The following TCF20 variants were observed in gnomAD, a reference collection of about 807,000 sequenced individuals.
TCF20 encodes the protein transcription factor 20.
A neutral mutation model predicts 148.6 loss-of-function variants in TCF20; 3 were observed. The ratio of observed to expected loss-of-function variants is 0.02; its 90% CI spans 0.01 to 0.05. The LOEUF (loss-of-function observed/expected upper bound fraction) is 0.05. Among genes scored for constraint, TCF20 ranks in the 10% least tolerant of loss-of-function variants. The pLI, the probability that TCF20 is intolerant of heterozygous loss-of-function variation, is 1.00. For synonymous variants in TCF20, 1,049 were observed against 909.5 expected (o/e 1.15, Z -2.76); for missense variants, 2,350 against 2,429.3 (o/e 0.97, Z 0.69).
intron 2 of TCF20, among the ~76,000 whole-genome samples, chr22:42,194,920 T>A (rs866715674): frequency 1.3e-5 from 2 of 151,868 alleles, no homozygotes; most frequent in East Asian, 4.0e-4. Flanking sequence ...GACCTCACAG[T>A]ATCCATAGAC....
At chr22:42,231,877 C>G (rs1284897374) in intron 1 of TCF20, among the ~76,000 whole-genome samples, 1 of 141,622 alleles carries the variant, frequency 7.1e-6, no homozygotes, top group Non-Finnish European at 1.5e-5. Flanking sequence ...TGCAGTGAGC[C>G]AAGATCAAGC....
At chr22:42,219,383 C>CAAAAAAAAAAAAAAAAAAAAAA (rs1922140132) in intron 1 of TCF20, among the ~76,000 whole-genome samples, 2 of 62,048 alleles carry the variant, frequency 3.2e-5, no homozygotes, top group Non-Finnish European at 3.2e-5. Context: ...AAAAAAAAAG[C>CAAAAAAAAAAAAAAAAAAAAAA]TAATAGAGAT....
intron 1 of TCF20, among the ~76,000 whole-genome samples, chr22:42,235,403 A>G (rs1409295468): frequency 6.6e-6 from 1 of 152,160 alleles, no homozygotes; most frequent in Non-Finnish European, 1.5e-5. Context: ...TTGGGTATCA[A>G]CTGGTGCACA....
chr22:42,251,389 C>A (rs1036543081), intron 1 of TCF20, among the ~76,000 whole-genome samples: 4 of 151,772 alleles, frequency 2.6e-5, no homozygotes, highest in Non-Finnish European at 5.9e-5. Context: ...TCCACGTTGC[C>A]CAGGCTGATC....
Position 42,161,376 on chromosome 22 carries a change from C to T in TCF20, c.*45-18G>A. ...AGTCTCACCTGGAAGACAAGGGACA[C>T]ACAGTGAAGGCCAGGAGCCTCCACA... On this transcript the variant is annotated intron_variant, in intron 5 of 5. Transcript: ENST00000677622. 6.2e-7 allele frequency: 1 copy of T among 1,614,064 alleles called. No homozygotes were observed. The highest frequency in any genetic ancestry group is 8.5e-7 in the Non-Finnish European group (1 of 1,179,940).
chr22:42,187,062 G>A (rs1316512301), intron 2 of TCF20, among the ~76,000 whole-genome samples: 1 of 152,184 alleles, frequency 6.6e-6, no homozygotes, highest in Non-Finnish European at 1.5e-5. Flanking sequence ...AGAGTCACCT[G>A]CCAGGTGCTC....
intron 2 of TCF20, among the ~76,000 whole-genome samples, chr22:42,188,866 G>T (rs1937186144): frequency 6.6e-6 from 1 of 152,196 alleles, no homozygotes; most frequent in South Asian, 2.1e-4. Context: ...GAATGATCTG[G>T]GGGTAAAGCA....
At chr22:42,271,877 T>A (rs933678278), upstream of TCF20, among the ~76,000 whole-genome samples, 1 of 152,150 alleles carries the variant, frequency 6.6e-6, no homozygotes, top group African/African-American at 2.4e-5. Flanking sequence ...ATATTTGAGG[T>A]ACACAGCTTC....
chr22:42,317,619 G>A lies in TCF20; in HGVS notation c.-37+25860C>T, dbSNP rs917369013. Among the ~76,000 whole-genome samples, 1 of 54,092 alleles carries A rather than the reference G, an allele frequency of 1.8e-5. No homozygotes were observed. The highest frequency in any genetic ancestry group is 2.1e-4 in the Admixed American group (1 of 4,652). 35.5% of individuals were successfully genotyped at this position (54,092 alleles called of 152,430 possible). On this transcript the variant is annotated intron_variant, in intron 1 of 1. Coordinates refer to the TCF20 transcript ENST00000515426. The surrounding 1 kb of genome is among the most constrained non-coding windows in gnomAD (Gnocchi z 4.2). ...GGCCCAAGGCAGCACCCTCAGAGGA[G>A]GGCTCTGCTCCTGCATTCCCGCTGG...
At chr22:42,218,338 C>T (rs1357519455) in intron 1 of TCF20, among the ~76,000 whole-genome samples, 3 of 152,148 alleles carry the variant, frequency 2.0e-5, no homozygotes, top group African/African-American at 7.2e-5. Context: ...TAAATCTGTC[C>T]CTTCACTGCC....
chr22:42,161,972 CTTT>C lies in TCF20; in HGVS notation c.*45-617_*45-615del, dbSNP rs3045573. On this transcript the variant is annotated intron_variant, in intron 5 of 5. Transcript: ENST00000677622. ...GCCACCATGCTTGGCTAATGACAGTCTTTTTTTTTTTTTTTTTTTTTTTTTTTT... is the reference window on the plus strand; with the variant it reads ...GCCACCATGCTTGGCTAATGACAGTCTTTTTTTTTTTTTTTTTTTTTTTTT... Among the ~76,000 whole-genome samples the C allele has an allele frequency of 7.5e-4, 56 of 75,010 alleles. 1 individual carries two copies. The highest frequency in any genetic ancestry group is 3.1e-3 in the African/African-American group (49 of 15,648). 49.2% of individuals were successfully genotyped at this position (75,010 alleles called of 152,430 possible).
chr22:42,212,232 C>A lies in TCF20; in HGVS notation c.3074G>T (p.Gly1025Val), dbSNP rs183460312. 5.5e-5 allele frequency: 89 copies of A among 1,614,188 alleles called. No individual in the cohort carries two copies. In the East Asian group the frequency reaches 2.0e-3, roughly 36 times the overall value. Residue 1025 changes from glycine (G) to valine (V), a missense_variant, in exon 2 of 6, where the codon GGC (glycine) becomes GTC (valine). Gly to Val is a moderately radical substitution (Grantham distance 109). Coordinates refer to ENST00000677622, the MANE Select transcript of TCF20 (RefSeq NM_001378418.1). Reference sequence around the variant, plus strand: ...CATGTGATGAGGGTCTCCCCCTGGGCCTCTGCTCCGCCCAGGAGACATTTT... The same window carrying A: ...CATGTGATGAGGGTCTCCCCCTGGGACTCTGCTCCGCCCAGGAGACATTTT... ...KLKMSPGRSR[G>V]PGGDPHHMNP...
intron 1 of TCF20, among the ~76,000 whole-genome samples, 98 bp downstream of exon 1, chr22:42,270,241 G>A (rs1341324613): frequency 6.6e-6 from 1 of 151,832 alleles, no homozygotes; most frequent in African/African-American, 2.4e-5. Context: ...GTCCGGCCGG[G>A]ACCTCTGCTC....
chr22:42,325,609 T>C (rs1171673652), intron 1 of TCF20, among the ~76,000 whole-genome samples: 1 of 152,136 alleles, frequency 6.6e-6, no homozygotes, highest in Non-Finnish European at 1.5e-5. Flanking sequence ...GGCCTGGGCA[T>C]TGTGCCAGGC....
intron 1 of TCF20, among the ~76,000 whole-genome samples, chr22:42,324,005 C>T (rs200672905): frequency 0.024 from 92 of 3,878 alleles, 10 homozygotes; most frequent in African/African-American, 0.078. Flanking sequence ...GAGGTGGTGG[C>T]GGAGGTTATG....
chr22:42,329,801 G>A (rs936493165), intron 1 of TCF20, among the ~76,000 whole-genome samples: 8 of 151,922 alleles, frequency 5.3e-5, no homozygotes, highest in Non-Finnish European at 8.8e-5. Context: ...TCCCCCCACC[G>A]AGTCCCCTTC....
chr22:42,227,286 T>C lies in TCF20; in HGVS notation c.-36-11945A>G, dbSNP rs552745707. Among the ~76,000 whole-genome samples, 168 of 152,158 alleles carry C rather than the reference T, an allele frequency of 1.1e-3. 1 individual carries two copies. Among genetic ancestry groups the C allele is most frequent in the Non-Finnish European group, 1.4e-3 (95 of 67,986 alleles). On this transcript the variant is annotated intron_variant, in intron 1 of 5. Coordinates refer to ENST00000677622, the MANE Select transcript of TCF20 (RefSeq NM_001378418.1). ...AGCAACAGCCTCTCTCAAAAAAAAA[T>C]AGTAATTTTAAATTACTTCAAATGT...
chr22:42,225,753 T>A (rs1283047587), intron 1 of TCF20, among the ~76,000 whole-genome samples: 1 of 151,672 alleles, frequency 6.6e-6, no homozygotes, highest in African/African-American at 2.4e-5. Flanking sequence ...ACCCCACAAG[T>A]CAGAAGCAGG....
intron 1 of TCF20, among the ~76,000 whole-genome samples, chr22:42,335,466 C>T (rs1282157529): frequency 6.6e-6 from 1 of 152,202 alleles, no homozygotes; most frequent in Non-Finnish European, 1.5e-5. Context: ...ACAAATGTAG[C>T]TCTCCCCATC....
Sources: allele counts gnomAD v4.1 joint callset (sites outside exome capture counted in the v4.1 genomes callset), GRCh38; gene constraint gnomAD v4.1.1; non-coding constraint Gnocchi (gnomAD v3.1); transcripts MANE v1.5; gene names NCBI Gene and HGNC (gene_info 2026-07-23, HGNC 2026-07-21).